RBFOX1: variants seen among roughly 807,000 people sequenced by gnomAD.
RBFOX1 encodes RNA binding protein fox-1 homolog 1.
A neutral mutation model predicts 57.7 loss-of-function variants in RBFOX1; 8 were observed. The ratio of observed to expected loss-of-function variants is 0.14; its 90% confidence interval spans 0.08 to 0.25. The LOEUF (loss-of-function observed/expected upper bound fraction) is 0.25. Among genes scored for constraint, RBFOX1 ranks in the 10% least tolerant of loss-of-function variants. The pLI, the probability that RBFOX1 is intolerant of heterozygous loss-of-function variation, is 1.00. For missense variants in RBFOX1, 611 were observed against 548.5 expected, an observed-to-expected ratio of 1.11 and a Z score of -1.14; for synonymous variants, 326 against 222.4, an observed-to-expected ratio of 1.47 and a Z score of -4.15.
chr16:5,376,040 T>C (rs1371498971), intron 1 of RBFOX1, among the ~76,000 whole-genome samples: 1 of 151,922 alleles, frequency 6.6e-6, no homozygotes, highest in African/African-American at 2.4e-5. Context: ...TGGTGGTGGG[T>C]GCCTGTAGTT....
intron 1 of RBFOX1, among the ~76,000 whole-genome samples, chr16:6,122,644 A>G (rs1220114238): frequency 1.3e-5 from 2 of 152,096 alleles, no homozygotes; most frequent in South Asian, 2.1e-4. Context: ...TGGGTGGCCA[A>G]TGTGCTGAGT....
chr16:6,931,704 T>C (rs1445291655), intron 3 of RBFOX1, among the ~76,000 whole-genome samples: 1 of 152,236 alleles, frequency 6.6e-6, no homozygotes, highest in Non-Finnish European at 1.5e-5. Context: ...CAGTTTCTAG[T>C]TGGTGGGTCT....
chr16:7,658,937 C>G (rs936308674), intron 12 of RBFOX1, among the ~76,000 whole-genome samples: 1 of 152,188 alleles, frequency 6.6e-6, no homozygotes, highest in African/African-American at 2.4e-5. Flanking sequence ...ATTGGCCAGG[C>G]TGCTCTCAAA....
At chr16:5,828,907 A>G (rs2056168914) in intron 3 of RBFOX1, among the ~76,000 whole-genome samples, 1 of 152,204 alleles carries the variant, frequency 6.6e-6, no homozygotes, top group Non-Finnish European at 1.5e-5. Context: ...AACATCACTT[A>G]CCGTTTCACT....
At chr16:6,713,608 A>C (rs2064162341) in intron 3 of RBFOX1, among the ~76,000 whole-genome samples, 2 of 152,046 alleles carry the variant, frequency 1.3e-5, no homozygotes, top group Non-Finnish European at 2.9e-5. Flanking sequence ...CAAAAATAAA[A>C]ATCCTTCCTT....
intron 4 of RBFOX1, among the ~76,000 whole-genome samples, chr16:5,890,410 A>T (rs1029146144): frequency 2.6e-5 from 4 of 152,104 alleles, no homozygotes; most frequent in Non-Finnish European, 5.9e-5. Flanking sequence ...CAGAACTAAG[A>T]AGTGAAGGCT....
At chr16:6,898,355 G>A (rs2067496424) in intron 3 of RBFOX1, among the ~76,000 whole-genome samples, 1 of 152,146 alleles carries the variant, frequency 6.6e-6, no homozygotes, top group Admixed American at 6.5e-5. Context: ...AGAGCAGTCA[G>A]AGGTGAAGGC....
intron 4 of RBFOX1, among the ~76,000 whole-genome samples, chr16:7,418,807 T>G (rs1332645196): frequency 6.6e-6 from 1 of 151,992 alleles, no homozygotes; most frequent in Non-Finnish European, 1.5e-5. Context: ...TCTTCCTCTG[T>G]CTCTCTCACC....
intron 1 of RBFOX1, among the ~76,000 whole-genome samples, chr16:6,147,935 C>T (rs1221902688): frequency 1.3e-5 from 2 of 152,218 alleles, no homozygotes; most frequent in African/African-American, 4.8e-5. Flanking sequence ...AGTCCCAGCT[C>T]TCAAGGGTCT....
chr16:6,199,710 G>A (rs149179637), intron 1 of RBFOX1, among the ~76,000 whole-genome samples: 1 of 152,288 alleles, frequency 6.6e-6, no homozygotes, highest in African/African-American at 2.4e-5. Flanking sequence ...TGAGGGGGTA[G>A]CAGATGAGTT....
chr16:7,538,455 G>A (rs2082075278), intron 5 of RBFOX1, among the ~76,000 whole-genome samples: 1 of 152,094 alleles, frequency 6.6e-6, no homozygotes, highest in Non-Finnish European at 1.5e-5. Flanking sequence ...TAGTGTTGCT[G>A]TTATTTTATT....
Position 5,954,422 on chromosome 16 carries a change from A to G in RBFOX1, c.351+87087A>G, listed in dbSNP as rs115906707. ...TGGACACTGCTGAGAACGAAGCATT[A>G]AACCCAGCAGAAAATGATCTCGGTG... is the stretch of plus-strand genomic sequence containing the variant. On this transcript the variant is annotated intron_variant, in intron 4 of 19. Coordinates refer to the RBFOX1 transcript ENST00000641259. Among the ~76,000 whole-genome samples the G allele has an allele frequency of 6.9e-3, 1,050 of 152,190 alleles. 15 individuals carry two copies. The highest frequency in any genetic ancestry group is 0.023 in the African/African-American group (966 of 41,534).
intron 1 of RBFOX1, among the ~76,000 whole-genome samples, chr16:6,224,584 A>G (rs970654423): frequency 8.5e-5 from 13 of 152,178 alleles, no homozygotes; most frequent in Admixed American, 3.3e-4. Flanking sequence ...TACCCTAAAA[A>G]AAGTGAACTG....
rs181035320 is a variant in RBFOX1, at chr16:7,268,912, C to T, written c.27+216814C>T. Among the ~76,000 whole-genome samples the T allele has an allele frequency of 1.0e-3, 155 of 151,986 alleles. 1 individual carries two copies. Among genetic ancestry groups the T allele is most frequent in the Admixed American group, 8.8e-3 (134 of 15,262 alleles). ...ATTAGCCAAGCGTGGTGGCAAATGC[C>T]TGCAATCCCAGCTACTCAGGAGCCT... On this transcript the variant is annotated intron_variant, in intron 4 of 15. Transcript: ENST00000550418.
chr16:6,444,238 A>T (rs186916297), intron 2 of RBFOX1, among the ~76,000 whole-genome samples: 15 of 152,204 alleles, frequency 9.9e-5, no homozygotes, highest in African/African-American at 3.6e-4. Context: ...GTGTCTGCTT[A>T]ATTGAATATG....
intron 2 of RBFOX1, among the ~76,000 whole-genome samples, chr16:6,457,016 C>G (rs1265981832): frequency 6.6e-6 from 1 of 152,136 alleles, no homozygotes; most frequent in Non-Finnish European, 1.5e-5. Context: ...ATAAGAATCT[C>G]ACACTGAGAA....
intron 13 of RBFOX1, among the ~76,000 whole-genome samples, chr16:7,665,347 G>A (rs1400428407): frequency 6.6e-6 from 1 of 152,056 alleles, no homozygotes; most frequent in Non-Finnish European, 1.5e-5. Context: ...AGCTGCAGAG[G>A]GTTAAAAGAT....
At chr16:6,748,051 T>C (rs148217700) in intron 3 of RBFOX1, among the ~76,000 whole-genome samples, 64 of 152,362 alleles carry the variant, frequency 4.2e-4, no homozygotes, top group African/African-American at 1.4e-3. Context: ...CCGTTATTTA[T>C]TGAACCATTT....
intron 4 of RBFOX1, among the ~76,000 whole-genome samples, chr16:7,292,588 G>T (rs1231838904): frequency 6.7e-6 from 1 of 149,966 alleles, no homozygotes; most frequent in Admixed American, 6.7e-5. Context: ...GCACGGTGAT[G>T]ACGATTAGGG....
Sources: allele counts gnomAD v4.1 joint callset (sites outside exome capture counted in the v4.1 genomes callset), GRCh38; gene constraint gnomAD v4.1.1; transcripts MANE v1.5; gene names NCBI Gene and HGNC (gene_info 2026-07-23, HGNC 2026-07-21).